ADAMTS2: variants seen among roughly 807,000 people sequenced by gnomAD.
The protein encoded by ADAMTS2 is ADAM metallopeptidase with thrombospondin type 1 motif 2, also known as A disintegrin and metalloproteinase with thrombospondin motifs 2.
Under a neutral mutation model 123.0 loss-of-function variants are expected in ADAMTS2, and 50 were observed. The observed-to-expected ratio is 0.41, with a 90% CI of 0.32 to 0.51. The LOEUF is 0.51. Ranked by LOEUF, ADAMTS2 falls within the 20% of genes least tolerant of loss-of-function variation. The pLI is 0.35. For missense variants in ADAMTS2, 1,494 were observed against 1,705.2 expected (o/e 0.88, Z 2.18); for synonymous variants, 678 against 695.4 (o/e 0.98, Z 0.39).
intron 11 of ADAMTS2, 22 bp downstream of exon 11, chr5:179,139,867 AG>A (rs1013321660): frequency 1.2e-6 from 2 of 1,611,286 alleles, no homozygotes; most frequent in African/African-American, 1.3e-5. Context: ...CAGCAAGGCC[AG>A]GGGGACATGG....
chr5:179,313,165 C>G (rs2113578545), intron 2 of ADAMTS2, among the ~76,000 whole-genome samples: 1 of 152,362 alleles, frequency 6.6e-6, no homozygotes, highest in East Asian at 1.9e-4. Flanking sequence ...GCTCCCTCCT[C>G]AGGAGTGGCC....
intron 2 of ADAMTS2, among the ~76,000 whole-genome samples, chr5:179,333,586 G>GT (rs1034990078): frequency 7.2e-6 from 1 of 139,226 alleles, no homozygotes; most frequent in Non-Finnish European, 1.5e-5. Context: ...CACAGATTTG[G>GT]TTTTTTTCTG....
At chr5:179,321,565 G>A (rs1056174136) in intron 2 of ADAMTS2, among the ~76,000 whole-genome samples, 2 of 152,130 alleles carry the variant, frequency 1.3e-5, no homozygotes, top group African/African-American at 4.8e-5. Flanking sequence ...TCCTCCACTT[G>A]TCTGCACATG....
intron 3 of ADAMTS2, among the ~76,000 whole-genome samples, chr5:179,239,160 G>T (rs938255959): frequency 6.6e-6 from 1 of 152,314 alleles, no homozygotes; most frequent in African/African-American, 2.4e-5. Flanking sequence ...ACACATGGGG[G>T]TGGGGAGGCA....
Position 179,128,137 on chromosome 5 carries a change from C to T in ADAMTS2, c.2458-19G>A, listed in dbSNP as rs1554124104. On this transcript the variant is annotated intron_variant, in intron 16 of 21. Transcript: ENST00000251582. This position sits in a 1 kb window ranked among gnomAD's most constrained non-coding sequence, Gnocchi z 4.9. Reference sequence around the variant, plus strand: ...GGATGACCTGTGCCAGCCCAAGAGCCTTGATGTGCCTGACCTGCCCTCCAT... The same window carrying T: ...GGATGACCTGTGCCAGCCCAAGAGCTTTGATGTGCCTGACCTGCCCTCCAT... The T allele has an allele frequency of 3.1e-6, 5 of 1,612,044 alleles. No homozygotes were observed. The highest frequency in any genetic ancestry group is 4.2e-6 in the Non-Finnish European group (5 of 1,179,936).
chr5:179,153,981 C>T, intron 8 of ADAMTS2, 68 bp downstream of exon 8: 1 of 1,548,776 alleles, frequency 6.5e-7, no homozygotes. Flanking sequence ...TGCATGGGGA[C>T]TTGCACCCTC....
Position 179,272,089 on chromosome 5 carries a change from G to A in ADAMTS2, c.688+822C>T, listed in dbSNP as rs1385078392. Among the ~76,000 whole-genome samples, 1 of 152,188 alleles carries A rather than the reference G, an allele frequency of 6.6e-6. No individual in the cohort carries two copies. The highest frequency in any genetic ancestry group is 2.4e-5 in the African/African-American group (1 of 41,450). ...ACAGGCCAGGAGTCCCTGACCACAC[G>A]GGGGACCCTGAGAACTATGGGCCTG... is the stretch of plus-strand genomic sequence containing the variant. On this transcript the variant is annotated intron_variant, in intron 3 of 21. Coordinates refer to ENST00000251582, the MANE Select transcript of ADAMTS2 (RefSeq NM_014244.5). The surrounding 1 kb of genome is among the most constrained non-coding windows in gnomAD (Gnocchi z 5.8).
At chr5:179,122,971 A>AC (rs1308451857) in intron 19 of ADAMTS2, 198 bp from the exon 20 acceptor site, 28 of 719,204 alleles carry the variant, frequency 3.9e-5, no homozygotes, top group Non-Finnish European at 4.7e-6. Flanking sequence ...TAAAGAAGGG[A>AC]CCCACATGCC....
At chr5:179,340,471 C>T (rs947123750) in intron 2 of ADAMTS2, among the ~76,000 whole-genome samples, 16 of 152,190 alleles carry the variant, frequency 1.1e-4, no homozygotes, top group Admixed American at 3.3e-4. Context: ...ACAATGAGAA[C>T]GTCTCCAGGA....
chr5:179,214,623 C>T (rs1218519777), intron 3 of ADAMTS2, among the ~76,000 whole-genome samples: 1 of 152,166 alleles, frequency 6.6e-6, no homozygotes, highest in Non-Finnish European at 1.5e-5. Context: ...AACAGCAAAA[C>T]TCCCAAGTAT....
At chr5:179,313,247 G>C (rs955681415) in intron 2 of ADAMTS2, among the ~76,000 whole-genome samples, 1 of 132,150 alleles carries the variant, frequency 7.6e-6, no homozygotes, top group Admixed American at 7.6e-5. Context: ...GGCCTGGCCA[G>C]AGCAGGGGTG....
Position 179,158,813 on chromosome 5 carries a change from G to T in ADAMTS2, c.1042C>A (p.Leu348Ile). 1 of 1,614,238 alleles carries T rather than the reference G, an allele frequency of 6.2e-7. No homozygotes were observed. The change falls in exon 6 of 22, where the codon CTC (leucine) becomes ATC (isoleucine). Residue 348 changes from leucine (L) to isoleucine (I), a missense_variant. Physicochemically the swap from Leu to Ile is conservative, Grantham distance 5. This residue lies in a region of ADAMTS2 where 70 missense variants were observed against 85.3 expected (regional missense o/e 0.82). Transcript: ENST00000251582. This position sits in a 1 kb window ranked among gnomAD's most constrained non-coding sequence, Gnocchi z 5.0. ...TGGCCCGTGTCTGGCTTCTGCTGGAGGTAGGCCCAGCGGCAGACATTCTCC... is the reference window on the plus strand; with the variant it reads ...TGGCCCGTGTCTGGCTTCTGCTGGATGTAGGCCCAGCGGCAGACATTCTCC... ...SLENVCRWAYLQQKPDTGHDE... is the reference protein window; with the variant it reads ...SLENVCRWAYIQQKPDTGHDE...
chr5:179,283,942 GATGATTATTATT>G (rs1307136308), intron 2 of ADAMTS2, among the ~76,000 whole-genome samples: 2,474 of 138,286 alleles, frequency 0.018, 39 homozygotes, highest in Non-Finnish European at 0.027. Flanking sequence ...TAAATGGTCA[GATGATTATTATT>G]ATTATTATTA....
chr5:179,234,557 C>T lies in ADAMTS2; in HGVS notation c.689-26842G>A, dbSNP rs1329240950. Among the ~76,000 whole-genome samples the T allele has an allele frequency of 5.3e-5, 8 of 152,004 alleles. No homozygotes were observed. Among genetic ancestry groups the T allele is most frequent in the African/African-American group, 1.7e-4 (7 of 41,356 alleles). Reference sequence around the variant, plus strand: ...CTGCACCTCCCCAGGCTCCAGACCCCGCCCCCTGCTGCCTGCAACTGCCCC... The same window carrying T: ...CTGCACCTCCCCAGGCTCCAGACCCTGCCCCCTGCTGCCTGCAACTGCCCC... On this transcript the variant is annotated intron_variant, in intron 3 of 21. Transcript: ENST00000251582. The surrounding 1 kb of genome is among the most constrained non-coding windows in gnomAD (Gnocchi z 4.7).
chr5:179,225,179 C>T lies in ADAMTS2; in HGVS notation c.689-17464G>A, dbSNP rs970673506. On this transcript the variant is annotated intron_variant, in intron 3 of 21. Transcript: ENST00000251582. The surrounding 1 kb of genome is among the most constrained non-coding windows in gnomAD (Gnocchi z 4.5). ...CCAGGCTCCTCCTCCCTCTCATGGA[C>T]TCTCAATTCAGCCCCGCACAGCCAA... Among the ~76,000 whole-genome samples, 3 of 152,232 alleles carry T rather than the reference C, an allele frequency of 2.0e-5. No homozygotes were observed. Among genetic ancestry groups the T allele is most frequent in the Non-Finnish European group, 4.4e-5 (3 of 68,042 alleles).
chr5:179,176,620 C>G (rs911366169), intron 5 of ADAMTS2, among the ~76,000 whole-genome samples: 1 of 152,156 alleles, frequency 6.6e-6, no homozygotes, highest in Non-Finnish European at 1.5e-5. Flanking sequence ...GGTCCCAGTC[C>G]AGCTGCCAGC....
intron 2 of ADAMTS2, among the ~76,000 whole-genome samples, chr5:179,334,240 G>T (rs1027322581): frequency 3.3e-5 from 5 of 152,168 alleles, no homozygotes; most frequent in Admixed American, 3.3e-4. Context: ...CCCACCTTCT[G>T]CAGGAAGGCT....
chr5:179,174,823 G>A (rs4701072), intron 5 of ADAMTS2, among the ~76,000 whole-genome samples: 7,343 of 65,704 alleles, frequency 0.11, 197 homozygotes, highest in East Asian at 0.33. Context: ...CTTGGGTTCC[G>A]CAGCTGTCTC....
intron 2 of ADAMTS2, among the ~76,000 whole-genome samples, chr5:179,315,498 G>A (rs1197021927): frequency 6.6e-6 from 1 of 152,246 alleles, no homozygotes; most frequent in African/African-American, 2.4e-5. Context: ...CATCTCCCTT[G>A]TCCCGCTCAC....
Sources: allele counts gnomAD v4.1 joint callset (sites outside exome capture counted in the v4.1 genomes callset), GRCh38; gene constraint gnomAD v4.1.1; regional missense constraint gnomAD v4.1.1; non-coding constraint Gnocchi (gnomAD v3.1); transcripts MANE v1.5; gene names NCBI Gene and HGNC (gene_info 2026-07-23, HGNC 2026-07-21).